DLG2: variants seen among roughly 807,000 people sequenced by gnomAD.
The protein encoded by DLG2 is discs large MAGUK scaffold protein 2.
A neutral mutation model predicts 132.5 loss-of-function variants in DLG2; 45 were observed. The ratio of observed to expected loss-of-function variants is 0.34; its 90% CI spans 0.27 to 0.44. DLG2 has a LOEUF of 0.44. DLG2 is among the 20% of genes least tolerant of loss of function. The pLI is 1.00. For synonymous variants in DLG2, 424 were observed against 419.6 expected, an observed-to-expected ratio of 1.01 and a Z score of -0.13; for missense variants, 1,045 against 1,196.9, an observed-to-expected ratio of 0.87 and a Z score of 1.87.
At chr11:85,601,579 TCCAC>T (rs1282894997) in intron 2 of DLG2, among the ~76,000 whole-genome samples, 1 of 152,146 alleles carries the variant, frequency 6.6e-6, no homozygotes, top group African/African-American at 2.4e-5. Flanking sequence ...GACCTTGTGA[TCCAC>T]CCACCTCGGC....
At chr11:85,044,516 G>A (rs569404879) in intron 6 of DLG2, among the ~76,000 whole-genome samples, 1 of 151,978 alleles carries the variant, frequency 6.6e-6, no homozygotes, top group Non-Finnish European at 1.5e-5. Flanking sequence ...AACTTTCAGG[G>A]GTCAGGGTTT....
chr11:85,211,258 T>A (rs1399118988), intron 4 of DLG2, among the ~76,000 whole-genome samples: 3 of 152,154 alleles, frequency 2.0e-5, no homozygotes, highest in Admixed American at 6.6e-5. Context: ...TGTTAAGTAC[T>A]CAGTAGATCA....
At chr11:84,947,072 C>T (rs532091137) in intron 6 of DLG2, among the ~76,000 whole-genome samples, 10 of 152,294 alleles carry the variant, frequency 6.6e-5, no homozygotes, top group Middle Eastern at 3.4e-3. Flanking sequence ...ATGTGCCATG[C>T]GGCCAGTCGC....
At chr11:84,088,655 T>TTC (rs2097034521) in intron 10 of DLG2, among the ~76,000 whole-genome samples, 3 of 152,200 alleles carry the variant, frequency 2.0e-5, no homozygotes, top group Admixed American at 2.0e-4. Flanking sequence ...GGTGATTTTC[T>TTC]TCTTGTCCAA....
intron 6 of DLG2, among the ~76,000 whole-genome samples, chr11:84,889,065 A>G (rs2088854523): frequency 6.6e-6 from 1 of 152,026 alleles, no homozygotes; most frequent in African/African-American, 2.4e-5. Context: ...TCTCAATTCA[A>G]ATCCAAAAGT....
rs192627310 is a variant in DLG2, at chr11:85,184,309, T to A, written c.187-29658A>T. Among the ~76,000 whole-genome samples, 714 of 151,730 alleles carry A rather than the reference T, an allele frequency of 4.7e-3. 6 individuals are homozygous for A. Among genetic ancestry groups the A allele is most frequent in the African/African-American group, 0.016 (655 of 41,460 alleles). ...TAGCCTTATATCCTCCAATATGTAA[T>A]TCTAAACAAGGGGATTTTTTTTTAT... is the stretch of plus-strand genomic sequence containing the variant. On this transcript the variant is annotated intron_variant, in intron 4 of 27. Transcript: ENST00000376104.
At chr11:85,021,305 A>C in intron 6 of DLG2, 1 of 1,255,606 alleles carries the variant, frequency 8.0e-7, no homozygotes, top group East Asian at 2.3e-5. Flanking sequence ...TAATAATCCC[A>C]CTGAAAGTCA....
chr11:85,484,180 G>T lies in DLG2; in HGVS notation c.40+114477C>A, dbSNP rs998560717. ...GCAGTCCGCCCGGAGGATTCAACCC[G>T]GTGGCGGATCTTTCCCGCCCCCCGT... On this transcript the variant is annotated intron_variant, in intron 3 of 27. Transcript: ENST00000376104. Among the ~76,000 whole-genome samples the T allele has an allele frequency of 2.2e-5, 3 of 138,770 alleles. No individual in the cohort carries two copies. In the Admixed American group the frequency reaches 2.2e-4, roughly 10 times the overall value. 91.0% of individuals were successfully genotyped at this position (138,770 alleles called of 152,430 possible).
chr11:85,282,901 C>G (rs1177090708), intron 4 of DLG2, among the ~76,000 whole-genome samples: 1 of 151,928 alleles, frequency 6.6e-6, no homozygotes, highest in Non-Finnish European at 1.5e-5. Flanking sequence ...GAATACTACA[C>G]AGCCATAAAA....
At chr11:85,115,422 G>A (rs1378840614) in intron 5 of DLG2, among the ~76,000 whole-genome samples, 1 of 151,906 alleles carries the variant, frequency 6.6e-6, no homozygotes, top group Non-Finnish European at 1.5e-5. Context: ...TCAAGAGTCA[G>A]TATCTGCCTA....
At chr11:85,453,202 G>A in intron 3 of DLG2, 1 of 367,878 alleles carries the variant, frequency 2.7e-6, no homozygotes, top group Non-Finnish European at 4.8e-6. Context: ...AAGGCCAAGA[G>A]GGAGATAACA....
chr11:83,837,479 G>GAGCCAGAA (rs1328314790), intron 16 of DLG2, among the ~76,000 whole-genome samples: 1 of 152,130 alleles, frequency 6.6e-6, no homozygotes, highest in Non-Finnish European at 1.5e-5. Context: ...GCCGCTGGTA[G>GAGCCAGAA]AGCCAGAAAC....
intron 4 of DLG2, among the ~76,000 whole-genome samples, chr11:85,252,542 C>T (rs557934272): frequency 5.9e-5 from 9 of 152,050 alleles, no homozygotes; most frequent in South Asian, 4.2e-4. Flanking sequence ...GCCAAGATCA[C>T]GCCACTGCAC....
At chr11:84,923,275 T>C in intron 6 of DLG2, 1 of 1,479,254 alleles carries the variant, frequency 6.8e-7, no homozygotes, top group South Asian at 1.4e-5. Flanking sequence ...CAAAACGACA[T>C]GTCTTGAAGG....
At chr11:83,472,186 A>T (rs919667) in intron 23 of DLG2, among the ~76,000 whole-genome samples, 43 of 151,966 alleles carry the variant, frequency 2.8e-4, no homozygotes, top group African/African-American at 1.0e-3. Context: ...ACTTTGCTAC[A>T]GTTTCTAGAT....
intron 3 of DLG2, among the ~76,000 whole-genome samples, chr11:85,559,685 A>C (rs973565717): frequency 6.6e-6 from 1 of 151,708 alleles, no homozygotes; most frequent in African/African-American, 2.4e-5. Flanking sequence ...AAGACAGGTA[A>C]ATACCATGTA....
chr11:83,463,814 C>G (rs1230001361), intron 26 of DLG2, among the ~76,000 whole-genome samples: 1 of 152,182 alleles, frequency 6.6e-6, no homozygotes, highest in African/African-American at 2.4e-5. Flanking sequence ...TCACATAGTT[C>G]TGGATCATCT....
intron 17 of DLG2, among the ~76,000 whole-genome samples, chr11:83,824,320 C>T (rs959623298): frequency 6.6e-6 from 1 of 152,090 alleles, no homozygotes; most frequent in Admixed American, 6.6e-5. Flanking sequence ...TTACCGTTAG[C>T]ATTTCCATGT....
chr11:84,332,508 C>CTTTTTTTT (rs34149557), intron 7 of DLG2, among the ~76,000 whole-genome samples: 4 of 78,316 alleles, frequency 5.1e-5, no homozygotes, highest in East Asian at 4.3e-4. Flanking sequence ...CCGCGCCTGG[C>CTTTTTTTT]TTTTTTTTTT....
Sources: allele counts gnomAD v4.1 joint callset (sites outside exome capture counted in the v4.1 genomes callset), GRCh38; gene constraint gnomAD v4.1.1; transcripts MANE v1.5; gene names NCBI Gene and HGNC (gene_info 2026-07-23, HGNC 2026-07-21).